Variants in CHST8 observed in about 807,000 individuals in gnomAD.
CHST8 encodes the protein carbohydrate sulfotransferase 8.
CHST8 carries 10 observed loss-of-function variants against 15.0 expected under a neutral mutation model. The observed-to-expected ratio is 0.67, with a 90% CI of 0.41 to 1.13. The LOEUF (loss-of-function observed/expected upper bound fraction) is 1.13, where lower values mean the gene tolerates loss of function less well. Among genes scored for constraint, CHST8 ranks in the 50% most tolerant of loss-of-function variants. CHST8 has a pLI of 0.00. For synonymous variants in CHST8, 259 were observed against 256.6 expected (o/e 1.01, Z -0.09); for missense variants, 634 against 608.2 (o/e 1.04, Z -0.45).
At chr19:33,740,970 T>A (rs771165324) in intron 3 of CHST8, among the ~76,000 whole-genome samples, 1 of 152,182 alleles carries the variant, frequency 6.6e-6, no homozygotes, top group Non-Finnish European at 1.5e-5. Context: ...AGCTAAACCC[T>A]TAGAGCGGGG....
intron 3 of CHST8, among the ~76,000 whole-genome samples, chr19:33,768,319 A>C (rs1293305541): frequency 6.6e-6 from 1 of 152,186 alleles, no homozygotes; most frequent in Non-Finnish European, 1.5e-5. Flanking sequence ...TCGCACCTAT[A>C]ATTCCAGCCC....
At chr19:33,639,293 A>T (rs1278653597) in intron 1 of CHST8, among the ~76,000 whole-genome samples, 1 of 152,126 alleles carries the variant, frequency 6.6e-6, no homozygotes, top group Non-Finnish European at 1.5e-5. Flanking sequence ...AACACTGCAG[A>T]CGTGTAATTA....
At chr19:33,680,736 C>A (rs895358551) in intron 2 of CHST8, among the ~76,000 whole-genome samples, 1 of 152,176 alleles carries the variant, frequency 6.6e-6, no homozygotes, top group South Asian at 2.1e-4. Context: ...AAGGCACAGT[C>A]CCTTAACTTT....
chr19:33,626,773 T>C (rs2145431786), intron 1 of CHST8, among the ~76,000 whole-genome samples: 1 of 138,714 alleles, frequency 7.2e-6, no homozygotes, highest in East Asian at 2.0e-4. Context: ...AATAAGCCGC[T>C]TTTTTTTTCC....
chr19:33,734,603 C>T (rs957092894), intron 3 of CHST8, among the ~76,000 whole-genome samples: 39 of 152,250 alleles, frequency 2.6e-4, no homozygotes, highest in African/African-American at 6.5e-4. Context: ...CCCAGGAGAA[C>T]GCCCTGCCAT....
Position 33,772,154 on chromosome 19 carries a change from G to C in CHST8, c.366G>C (p.Ala122=), listed in dbSNP as rs745414562. The change falls in exon 5 of 5, where the codon GCG becomes GCC. Residue 122 remains alanine, a synonymous_variant. Coordinates refer to ENST00000650847, the MANE Select transcript of CHST8 (RefSeq NM_001127895.2). ...TGCTCATCAAGAAAATGCCAGCTGC[G>C]GCGACCATCCCGGCCAACAGCTCGG... ...RRLLIKKMPA[A]ATIPANSSDA... is the part of the protein sequence containing the mutation. 1 of 1,604,214 alleles carries C rather than the reference G, an allele frequency of 6.2e-7. No homozygotes were observed. The highest frequency in any genetic ancestry group is 8.5e-7 in the Non-Finnish European group (1 of 1,176,352).
intron 2 of CHST8, among the ~76,000 whole-genome samples, chr19:33,678,021 C>T (rs572483094): frequency 1.3e-5 from 2 of 152,208 alleles, no homozygotes; most frequent in African/African-American, 4.8e-5. Context: ...AGAGCCGCAC[C>T]GAGGGACTGG....
At chr19:33,641,573 G>C (rs1972284478) in intron 1 of CHST8, among the ~76,000 whole-genome samples, 1 of 152,182 alleles carries the variant, frequency 6.6e-6, no homozygotes, top group South Asian at 2.1e-4. Context: ...TATTGGAACT[G>C]GTTCCCATAG....
intron 2 of CHST8, among the ~76,000 whole-genome samples, chr19:33,676,863 C>A (rs914902334): frequency 6.7e-6 from 1 of 149,676 alleles, no homozygotes; most frequent in Non-Finnish European, 1.5e-5. Context: ...GGTGACAGAG[C>A]GAGACCCAGA....
chr19:33,690,027 C>T (rs999692547), intron 3 of CHST8, among the ~76,000 whole-genome samples: 3 of 152,108 alleles, frequency 2.0e-5, no homozygotes, highest in African/African-American at 7.2e-5. Context: ...AGAGGGAGTT[C>T]AGGCAAGGTT....
chr19:33,752,129 A>C (rs2116955), intron 3 of CHST8, among the ~76,000 whole-genome samples: 12,256 of 152,226 alleles, frequency 0.081, 1,610 homozygotes, highest in African/African-American at 0.28. Flanking sequence ...CCTAGCGGGT[A>C]TTGGACGCCC....
chr19:33,765,316 C>T (rs1273978596), intron 3 of CHST8, among the ~76,000 whole-genome samples: 1 of 151,828 alleles, frequency 6.6e-6, no homozygotes, highest in Non-Finnish European at 1.5e-5. Context: ...GGAGTGTGAC[C>T]CTGCTGGCAC....
chr19:33,676,229 G>T (rs1407238594), intron 2 of CHST8, among the ~76,000 whole-genome samples: 1 of 152,202 alleles, frequency 6.6e-6, no homozygotes, highest in African/African-American at 2.4e-5. Flanking sequence ...AAATTGGAAG[G>T]TCTAAAGGTC....
At chr19:33,723,004 CAAG>C (rs1166275155) in intron 3 of CHST8, among the ~76,000 whole-genome samples, 1 of 152,216 alleles carries the variant, frequency 6.6e-6, no homozygotes, top group Non-Finnish European at 1.5e-5. Flanking sequence ...CTGCTGGGAA[CAAG>C]AAGACAACGT....
chr19:33,765,340 A>G, intron 3 of CHST8, among the ~76,000 whole-genome samples: 1 of 151,988 alleles, frequency 6.6e-6, no homozygotes, highest in East Asian at 1.9e-4. Flanking sequence ...CATTTCAGAC[A>G]TCTAGCCTTC....
chr19:33,723,298 C>A (rs777716453), intron 3 of CHST8, among the ~76,000 whole-genome samples: 3 of 152,206 alleles, frequency 2.0e-5, no homozygotes, highest in Non-Finnish European at 2.9e-5. Flanking sequence ...ATGCAGATCT[C>A]AGTATCCATG....
chr19:33,745,479 G>A (rs905724238), intron 3 of CHST8, among the ~76,000 whole-genome samples: 1 of 152,222 alleles, frequency 6.6e-6, no homozygotes, highest in African/African-American at 2.4e-5. Flanking sequence ...TGGCTGGTTG[G>A]CAGGTGATTC....
At chr19:33,706,307 C>T (rs887616208) in intron 3 of CHST8, among the ~76,000 whole-genome samples, 4 of 152,130 alleles carry the variant, frequency 2.6e-5, no homozygotes, top group Non-Finnish European at 5.9e-5. Flanking sequence ...CTTGTGCACA[C>T]GTGTGTGTGT....
intron 1 of CHST8, among the ~76,000 whole-genome samples, chr19:33,641,166 G>A (rs1972278985): frequency 6.6e-6 from 1 of 152,106 alleles, no homozygotes; most frequent in African/African-American, 2.4e-5. Flanking sequence ...TGTCCCGAGA[G>A]CCCTTCCCTA....
Sources: allele counts gnomAD v4.1 joint callset (sites outside exome capture counted in the v4.1 genomes callset), GRCh38; gene constraint gnomAD v4.1.1; transcripts MANE v1.5; gene names NCBI Gene and HGNC (gene_info 2026-07-23, HGNC 2026-07-21).